The following HSD17B12 variants were observed in gnomAD, a reference collection of about 807,000 sequenced individuals.
HSD17B12 encodes hydroxysteroid 17-beta dehydrogenase 12.
Under a neutral mutation model 39.3 loss-of-function variants are expected in HSD17B12, and 32 were observed. The observed-to-expected ratio is 0.81, with a 90% confidence interval of 0.61 to 1.09. HSD17B12 has a LOEUF of 1.09. Among genes scored for constraint, HSD17B12 ranks in the 50% least tolerant of loss-of-function variants. HSD17B12 has a pLI of 0.00. For synonymous variants in HSD17B12, 150 were observed against 146.7 expected, an observed-to-expected ratio of 1.02 and a Z score of -0.16; for missense variants, 342 against 382.9, an observed-to-expected ratio of 0.89 and a Z score of 0.89.
Position 43,798,333 on chromosome 11 carries a change from A to C in HSD17B12, c.297A>C (p.Lys99Asn), listed in dbSNP as rs1024884854. 2 of 1,607,806 alleles carry C rather than the reference A, an allele frequency of 1.2e-6. No individual in the cohort carries two copies. Among genetic ancestry groups the C allele is most frequent in the Admixed American group, 3.4e-5 (2 of 59,636 alleles). ...CTTTTTCCCTAGAAGAAAAATTCAAAGTGGAGACAAGAACCATTGCTGTTG... is the reference window on the plus strand; with the variant it reads ...CTTTTTCCCTAGAAGAAAAATTCAACGTGGAGACAAGAACCATTGCTGTTG... ...QVSSEIKEKFKVETRTIAVDF... is the reference protein window; with the variant it reads ...QVSSEIKEKFNVETRTIAVDF... The change falls in exon 4 of 11, where the codon AAA (lysine) becomes AAC (asparagine). Residue 99 changes from lysine (K) to asparagine (N), a missense_variant. Physicochemically the swap from Lys to Asn is moderately conservative, Grantham distance 94. Transcript: ENST00000278353.
chr11:43,661,515 A>G, the HSD17B12 span, among the ~76,000 whole-genome samples: 1 of 152,162 alleles, frequency 6.6e-6, no homozygotes, highest in Non-Finnish European at 1.5e-5. Context: ...ACTTAATAAA[A>G]AGAATTAGAG....
chr11:43,720,831 T>G (rs1284405049), intron 1 of HSD17B12, among the ~76,000 whole-genome samples: 2 of 152,296 alleles, frequency 1.3e-5, no homozygotes, highest in South Asian at 2.1e-4. Flanking sequence ...TATATTTGGC[T>G]TGGATAGAGT....
chr11:43,816,286 A>G, intron 5 of HSD17B12, 61 bp from the exon 6 acceptor site: 12 of 1,304,108 alleles, frequency 9.2e-6, no homozygotes, highest in Non-Finnish European at 1.2e-5. Flanking sequence ...ACCTAAGTAG[A>G]TATCTAATAG....
intron 7 of HSD17B12, 77 bp from the exon 8 acceptor site, chr11:43,838,240 T>C (rs1314576056): frequency 2.1e-6 from 2 of 955,948 alleles, no homozygotes; most frequent in African/African-American, 3.2e-5. Context: ...CGAATAATTA[T>C]ATATCTCAAT....
the HSD17B12 span, among the ~76,000 whole-genome samples, chr11:43,630,995 G>C: frequency 4.6e-5 from 7 of 152,030 alleles, no homozygotes; most frequent in African/African-American, 1.7e-4. Flanking sequence ...AGTAGAGATG[G>C]GTTTTTGCCA....
chr11:43,660,888 G>A, the HSD17B12 span, among the ~76,000 whole-genome samples: 6 of 152,320 alleles, frequency 3.9e-5, no homozygotes, highest in East Asian at 1.2e-3. Flanking sequence ...ACTTTGGGAG[G>A]CTGAGGCAGG....
chr11:43,839,713 G>A (rs1265200123), intron 8 of HSD17B12, among the ~76,000 whole-genome samples: 1 of 152,018 alleles, frequency 6.6e-6, no homozygotes, highest in Non-Finnish European at 1.5e-5. Context: ...TTTTTTCTTG[G>A]AAAGTAATTT....
the HSD17B12 span, chr11:43,645,856 C>CTA: frequency 1.3e-5 from 2 of 152,438 alleles, no homozygotes; most frequent in East Asian, 3.9e-4. Context: ...TGGCATACGC[C>CTA]TATAATCTCA....
At chr11:43,570,681 A>G in the HSD17B12 span, among the ~76,000 whole-genome samples, 1 of 152,210 alleles carries the variant, frequency 6.6e-6, no homozygotes, top group African/African-American at 2.4e-5. Context: ...AGACCTCTAT[A>G]AAACCAAAAC....
chr11:43,669,891 G>A, the HSD17B12 span, among the ~76,000 whole-genome samples: 19 of 152,286 alleles, frequency 1.2e-4, no homozygotes, highest in African/African-American at 4.6e-4. Flanking sequence ...ATCTTTTAGG[G>A]AGATACACTG....
chr11:43,668,132 C>G, the HSD17B12 span, among the ~76,000 whole-genome samples: 1 of 152,160 alleles, frequency 6.6e-6, no homozygotes, highest in Admixed American at 6.6e-5. Context: ...AGATTAGTGG[C>G]TTAAAACAAT....
the HSD17B12 span, among the ~76,000 whole-genome samples, chr11:43,615,962 C>T: frequency 1.1e-3 from 170 of 152,186 alleles, no homozygotes; most frequent in Non-Finnish European, 2.1e-3. Flanking sequence ...TAGTTTAATG[C>T]TTTTCCTTTA....
At chr11:43,615,921 G>A in the HSD17B12 span, among the ~76,000 whole-genome samples, 1 of 152,164 alleles carries the variant, frequency 6.6e-6, no homozygotes, top group African/African-American at 2.4e-5. Flanking sequence ...CCAAGGCAAT[G>A]TTTGTAATTC....
At chr11:43,750,605 T>C (rs1950456936) in intron 1 of HSD17B12, among the ~76,000 whole-genome samples, 1 of 152,204 alleles carries the variant, frequency 6.6e-6, no homozygotes, top group Non-Finnish European at 1.5e-5. Context: ...AAGGTAGGCA[T>C]ATTTTTAGTT....
intron 1 of HSD17B12, among the ~76,000 whole-genome samples, chr11:43,705,627 A>G (rs1950005636): frequency 6.6e-6 from 1 of 152,108 alleles, no homozygotes; most frequent in South Asian, 2.1e-4. Flanking sequence ...TGGGGGTATC[A>G]TCTTAACTCT....
chr11:43,750,515 A>G (rs763658153), intron 1 of HSD17B12, among the ~76,000 whole-genome samples: 3 of 152,116 alleles, frequency 2.0e-5, no homozygotes, highest in Non-Finnish European at 4.4e-5. Flanking sequence ...GTATTTACCT[A>G]CTATGCATCA....
At chr11:43,730,105 A>G (rs1347723653) in intron 1 of HSD17B12, among the ~76,000 whole-genome samples, 1 of 152,040 alleles carries the variant, frequency 6.6e-6, no homozygotes, top group Admixed American at 6.6e-5. Context: ...CATCATAGTC[A>G]TGGACTCATA....
chr11:43,810,372 T>C (rs1244402788), intron 4 of HSD17B12, among the ~76,000 whole-genome samples: 2 of 21,252 alleles, frequency 9.4e-5, no homozygotes, highest in Non-Finnish European at 2.1e-4. Context: ...AGAAATTATA[T>C]ATATATATAT....
chr11:43,585,300 T>A, the HSD17B12 span, among the ~76,000 whole-genome samples: 1 of 152,170 alleles, frequency 6.6e-6, no homozygotes, highest in Non-Finnish European at 1.5e-5. Flanking sequence ...CATACTGTGA[T>A]TCTTATTGGG....
Sources: allele counts gnomAD v4.1 joint callset (sites outside exome capture counted in the v4.1 genomes callset), GRCh38; gene constraint gnomAD v4.1.1; transcripts MANE v1.5; gene names NCBI Gene and HGNC (gene_info 2026-07-23, HGNC 2026-07-21).